Variants in PLXNA4 observed in about 807,000 individuals in gnomAD.
PLXNA4 encodes plexin-A4.
In PLXNA4, 44 loss-of-function variants were observed where a neutral mutation model predicts 191.8. The observed-to-expected ratio is 0.23, with a 90% CI of 0.18 to 0.29. The LOEUF (loss-of-function observed/expected upper bound fraction) is 0.29, where lower values mean the gene tolerates loss of function less well. PLXNA4 is among the 10% of genes least tolerant of loss of function. The pLI, the probability that PLXNA4 is intolerant of heterozygous loss-of-function variation, is 1.00. For synonymous variants in PLXNA4, 1,082 were observed against 1,009.5 expected (o/e 1.07, Z -1.36); for missense variants, 1,800 against 2,488.8 (o/e 0.72, Z 5.89).
chr7:132,158,873 C>A (rs1178141815), intron 25 of PLXNA4, among the ~76,000 whole-genome samples: 1 of 152,236 alleles, frequency 6.6e-6, no homozygotes, highest in African/African-American at 2.4e-5. Context: ...GTGGCCCTAA[C>A]CAGCATGCCC....
chr7:132,563,365 C>A (rs1429568780), intron 1 of PLXNA4, among the ~76,000 whole-genome samples: 1 of 110,962 alleles, frequency 9.0e-6, no homozygotes, highest in Non-Finnish European at 1.9e-5. Flanking sequence ...TCCTTCTCCT[C>A]CTCCTCCTCC....
At chr7:132,536,868 GT>G (rs1304084950) in intron 1 of PLXNA4, among the ~76,000 whole-genome samples, 7 of 152,234 alleles carry the variant, frequency 4.6e-5, no homozygotes, top group Admixed American at 6.5e-5. Flanking sequence ...CATGAGGAAA[GT>G]ATTTCTGAAG....
chr7:132,346,161 G>GC (rs1369568905), intron 3 of PLXNA4, among the ~76,000 whole-genome samples: 2 of 152,176 alleles, frequency 1.3e-5, no homozygotes, highest in African/African-American at 4.8e-5. Flanking sequence ...CTATCTGTGT[G>GC]ACTTTGGGCA....
At chr7:132,319,843 C>A (rs936668802) in intron 3 of PLXNA4, among the ~76,000 whole-genome samples, 1 of 152,250 alleles carries the variant, frequency 6.6e-6, no homozygotes, top group African/African-American at 2.4e-5. Context: ...CAGTACCATG[C>A]TTCCCCACCT....
chr7:132,495,827 T>C (rs1005265075), intron 2 of PLXNA4, among the ~76,000 whole-genome samples: 4 of 152,250 alleles, frequency 2.6e-5, no homozygotes, highest in Non-Finnish European at 5.9e-5. Context: ...TTTGGTTCCT[T>C]GGGCTATTGG....
chr7:132,212,604 G>C (rs751856614), intron 9 of PLXNA4, among the ~76,000 whole-genome samples: 8 of 152,196 alleles, frequency 5.3e-5, no homozygotes. Flanking sequence ...TCCATGATTT[G>C]GAGTGGTTGT....
chr7:132,283,663 A>G (rs994544268), intron 4 of PLXNA4, among the ~76,000 whole-genome samples: 3 of 152,232 alleles, frequency 2.0e-5, no homozygotes, highest in Non-Finnish European at 2.9e-5. Context: ...GAAAAGGTAG[A>G]GGAAACCAGG....
intron 3 of PLXNA4, chr7:132,484,795 A>T: frequency 6.2e-7 from 1 of 1,613,396 alleles, no homozygotes; most frequent in Non-Finnish European, 8.5e-7. Flanking sequence ...GTTAAAGTGG[A>T]TTCAAATTTC....
At chr7:132,152,094 T>C (rs2116599381) in intron 25 of PLXNA4, among the ~76,000 whole-genome samples, 1 of 152,298 alleles carries the variant, frequency 6.6e-6, no homozygotes, top group East Asian at 1.9e-4. Context: ...GGGCTCAGCT[T>C]TCTGGAGCGC....
chr7:132,598,975 A>G (rs1048589493), intron 2 of PLXNA4, among the ~76,000 whole-genome samples: 15 of 152,162 alleles, frequency 9.9e-5, no homozygotes, highest in African/African-American at 3.6e-4. Flanking sequence ...AACTAGTGTA[A>G]TGGTTATCTG....
intron 27 of PLXNA4, 39 bp downstream of exon 27, chr7:132,147,861 G>C: frequency 6.2e-7 from 1 of 1,613,176 alleles, no homozygotes; most frequent in South Asian, 1.1e-5. Flanking sequence ...AGCTGCTCAG[G>C]ACACCCAGGC....
intron 1 of PLXNA4, among the ~76,000 whole-genome samples, chr7:132,509,605 C>A (rs1028817204): frequency 1.3e-5 from 2 of 152,166 alleles, no homozygotes; most frequent in Non-Finnish European, 2.9e-5. Flanking sequence ...TGCACAGGTT[C>A]GCAATCTTAA....
chr7:132,325,408 A>T (rs185965435), intron 3 of PLXNA4, among the ~76,000 whole-genome samples: 1 of 152,330 alleles, frequency 6.6e-6, no homozygotes, highest in East Asian at 1.9e-4. Flanking sequence ...TATGGGTTGA[A>T]CTGTGTCCCC....
chr7:132,247,833 G>A (rs1353777885), intron 4 of PLXNA4, among the ~76,000 whole-genome samples: 1 of 152,180 alleles, frequency 6.6e-6, no homozygotes. Context: ...CACATGCCTG[G>A]AACCCTGTCA....
intron 3 of PLXNA4, among the ~76,000 whole-genome samples, chr7:132,332,159 A>C (rs1353182311): frequency 6.6e-6 from 1 of 152,202 alleles, no homozygotes; most frequent in East Asian, 1.9e-4. Context: ...TGTACCTGTG[A>C]AGGGAGTGGA....
rs1175090188 is a variant in PLXNA4 at position 132,223,594 on chromosome 7, T to C, written c.2030A>G (p.Tyr677Cys). The C allele has an allele frequency of 6.2e-7, 1 of 1,613,746 alleles. No individual in the cohort carries two copies. The highest frequency in any genetic ancestry group is 8.5e-7 in the Non-Finnish European group (1 of 1,179,956). The change falls in exon 9 of 32, where the codon TAC becomes TGC. Residue 677 changes from tyrosine (Y) to cysteine (C), a missense_variant. Physicochemically the swap from Tyr to Cys is radical, Grantham distance 194. This residue lies in a region of PLXNA4 where 1,397 missense variants were observed against 1,880.4 expected (regional missense o/e 0.74). Coordinates refer to ENST00000321063, the MANE Select transcript of PLXNA4 (RefSeq NM_020911.2). ...ESPYRCHWCKYRHVCTHDPKT... is the reference protein window; with the variant it reads ...ESPYRCHWCKCRHVCTHDPKT... ...GGGGTCATGGGTGCAGACATGCCGGTATTTACACCAGTGGCAGCGGTATGG... is the reference window on the plus strand; with the variant it reads ...GGGGTCATGGGTGCAGACATGCCGGCATTTACACCAGTGGCAGCGGTATGG...
At chr7:132,183,723 C>A (rs62469714) in intron 16 of PLXNA4, among the ~76,000 whole-genome samples, 6,347 of 152,308 alleles carry the variant, frequency 0.042, 178 homozygotes, top group South Asian at 0.075. Flanking sequence ...GCCTTCTGGT[C>A]TTCATCTGCC....
chr7:132,325,462 T>G (rs539562058), intron 3 of PLXNA4, among the ~76,000 whole-genome samples: 27 of 152,310 alleles, frequency 1.8e-4, no homozygotes, highest in Admixed American at 5.2e-4. Flanking sequence ...CCTGTGAATG[T>G]GACTTTACTT....
At chr7:132,483,032 G>A (rs1797400779) in intron 3 of PLXNA4, among the ~76,000 whole-genome samples, 1 of 152,142 alleles carries the variant, frequency 6.6e-6, no homozygotes, top group Non-Finnish European at 1.5e-5. Context: ...GCTTCTATGA[G>A]AAGCCAGAAC....
Sources: gnomAD v4.1 joint callset for allele counts (sites outside exome capture counted in the v4.1 genomes callset) on GRCh38, gnomAD v4.1.1 for gene constraint, gnomAD v4.1.1 regional missense constraint, MANE v1.5 for transcripts, NCBI Gene and HGNC (gene_info 2026-07-23, HGNC 2026-07-21) for gene names.